VIPR2: variants seen among roughly 807,000 people sequenced by gnomAD.
The protein encoded by VIPR2 is vasoactive intestinal polypeptide receptor 2.
VIPR2 carries 48 observed loss-of-function variants against 58.0 expected under a neutral mutation model. The ratio of observed to expected loss-of-function variants is 0.83; its 90% CI spans 0.66 to 1.05. The LOEUF is 1.05. Ranked by LOEUF, VIPR2 falls within the 50% of genes least tolerant of loss-of-function variation. VIPR2 has a pLI of 0.00. For synonymous variants in VIPR2, 243 were observed against 235.2 expected (o/e 1.03, Z -0.30); for missense variants, 534 against 558.0 (o/e 0.96, Z 0.43).
At chr7:159,060,279 C>T (rs2129494074) in intron 4 of VIPR2, among the ~76,000 whole-genome samples, 1 of 151,248 alleles carries the variant, frequency 6.6e-6, no homozygotes, top group Admixed American at 6.6e-5. Flanking sequence ...TTCACCCAAC[C>T]ACCACCCTCA....
intron 2 of VIPR2, among the ~76,000 whole-genome samples, chr7:159,138,614 C>T (rs1443033647): frequency 6.6e-6 from 1 of 152,204 alleles, no homozygotes; most frequent in Non-Finnish European, 1.5e-5. Context: ...TTGCCAAATA[C>T]ATTGTTACAC....
intron 5 of VIPR2, among the ~76,000 whole-genome samples, chr7:159,054,865 G>T (rs1393801615): frequency 6.6e-6 from 1 of 152,114 alleles, no homozygotes; most frequent in African/African-American, 2.4e-5. Flanking sequence ...TCCCATCAGG[G>T]TATTAGCATA....
chr7:159,099,768 T>TC lies in VIPR2; in HGVS notation c.357+3988dup, dbSNP rs1022725444. Among the ~76,000 whole-genome samples the TC allele has an allele frequency of 2.0e-5, 3 of 151,266 alleles. No individual in the cohort carries two copies. The highest frequency in any genetic ancestry group is 7.3e-5 in the African/African-American group (3 of 41,130). ...CGGGGATCCCACCTGGACCTTGAAA[T>TC]CCCCCCCAGGCCACAGAAGCCCCTG... On this transcript the variant is annotated intron_variant, in intron 4 of 12. Transcript: ENST00000262178. The surrounding 1 kb of genome is among the most constrained non-coding windows in gnomAD (Gnocchi z 4.2).
At position 159,105,823 on chromosome 7, in the gene VIPR2, T is replaced by A. The variant is rs992985697; in HGVS notation, c.260-1969A>T. ...AAGGAGACAGGTCCACAAAGATAAA[T>A]AATGTGCCCATCACAGACTCAGGAA... On this transcript the variant is annotated intron_variant, in intron 3 of 12. Coordinates refer to ENST00000262178, the MANE Select transcript of VIPR2 (RefSeq NM_003382.5). Among the ~76,000 whole-genome samples the A allele has an allele frequency of 1.1e-4, 17 of 152,276 alleles. 1 individual carries two copies. In the East Asian group the frequency reaches 3.3e-3, roughly 29 times the overall value.
rs3812309 is a variant in VIPR2, at chr7:159,128,555, C to T, written c.151+13891G>A. On this transcript the variant is annotated intron_variant, in intron 2 of 12. Transcript: ENST00000262178. The surrounding 1 kb of genome is among the most constrained non-coding windows in gnomAD (Gnocchi z 4.1). ...GTCCCTACCAGAGGCACTTTCCTCG[C>T]CTCTGACCCTGCCTTCTTTGCTCTC... Among the ~76,000 whole-genome samples the T allele has an allele frequency of 8.7e-4, 132 of 152,304 alleles. 3 individuals are homozygous for T. The East Asian group carries it at 0.02, about 23-fold the overall frequency.
At chr7:159,044,895 A>T (rs1423426036) in intron 5 of VIPR2, among the ~76,000 whole-genome samples, 1 of 152,074 alleles carries the variant, frequency 6.6e-6, no homozygotes, top group African/African-American at 2.4e-5. Flanking sequence ...CCTTCTGAAT[A>T]GCTGGGATTA....
chr7:159,108,813 C>T (rs1795877230), intron 3 of VIPR2, among the ~76,000 whole-genome samples: 1 of 152,216 alleles, frequency 6.6e-6, no homozygotes, highest in Non-Finnish European at 1.5e-5. Flanking sequence ...GCCCAAGCTG[C>T]TCAGTAGAAA....
At chr7:159,071,123 T>G (rs1191771703) in intron 4 of VIPR2, among the ~76,000 whole-genome samples, 1 of 152,238 alleles carries the variant, frequency 6.6e-6, no homozygotes, top group African/African-American at 2.4e-5. Flanking sequence ...TTTTTCTGGG[T>G]TGCACAGACA....
intron 5 of VIPR2, among the ~76,000 whole-genome samples, chr7:159,052,031 T>TAACC (rs1198975297): frequency 6.6e-6 from 1 of 152,184 alleles, no homozygotes; most frequent in Non-Finnish European, 1.5e-5. Flanking sequence ...ATGTAGCACA[T>TAACC]AACCAAGAAC....
intron 4 of VIPR2, among the ~76,000 whole-genome samples, chr7:159,100,283 T>C (rs1585491749): frequency 1.3e-5 from 2 of 152,200 alleles, no homozygotes; most frequent in East Asian, 3.9e-4. Context: ...TCTCCATCCA[T>C]GCAGTGAGTT....
chr7:159,142,862 G>C (rs1326133337), intron 1 of VIPR2, among the ~76,000 whole-genome samples: 1 of 152,142 alleles, frequency 6.6e-6, no homozygotes, highest in Non-Finnish European at 1.5e-5. Context: ...CTCCATACCC[G>C]GCTCCTCCGT....
intron 4 of VIPR2, among the ~76,000 whole-genome samples, chr7:159,064,242 C>T (rs1033152281): frequency 4.6e-5 from 7 of 152,036 alleles, no homozygotes; most frequent in Non-Finnish European, 8.8e-5. Flanking sequence ...CCGCATTTCA[C>T]GGGAGCCCCG....
intron 2 of VIPR2, among the ~76,000 whole-genome samples, chr7:159,121,509 T>C (rs1796456296): frequency 6.6e-6 from 1 of 152,214 alleles, no homozygotes; most frequent in South Asian, 2.1e-4. Context: ...CATGCTTAGG[T>C]ACCCGTGCGT....
chr7:159,103,454 G>A (rs1271900906), intron 4 of VIPR2, among the ~76,000 whole-genome samples: 2 of 152,148 alleles, frequency 1.3e-5, no homozygotes, highest in Non-Finnish European at 2.9e-5. Context: ...CATCTGAAAA[G>A]TAACTTTCGG....
intron 8 of VIPR2, among the ~76,000 whole-genome samples, chr7:159,034,974 C>A (rs930228693): frequency 6.6e-6 from 1 of 152,160 alleles, no homozygotes; most frequent in Non-Finnish European, 1.5e-5. Context: ...GAGAAAAGAA[C>A]CTTCCTCCTG....
At position 159,109,874 on chromosome 7, in the gene VIPR2, T is replaced by A. The variant is rs764586726; in HGVS notation, c.197A>T (p.Asn66Ile). The change falls in exon 3 of 13, where the codon AAT (asparagine) becomes ATT (isoleucine). Residue 66 changes from asparagine (N) to isoleucine (I), a missense_variant. Physicochemically the swap from Asn to Ile is moderately radical, Grantham distance 149. Transcript: ENST00000262178. Reference protein sequence around the residue: ...WDNITCWRPANVGETVTVPCP... With the variant: ...WDNITCWRPAIVGETVTVPCP... ...GGGCACCGTGACGGTCTCTCCCACA[T>A]TGGCAGGCCGCCAGCACGTGATGTT... 1.2e-5 allele frequency: 19 copies of A among 1,614,002 alleles called. No individual in the cohort carries two copies. Among genetic ancestry groups the A allele is most frequent in the Non-Finnish European group, 1.5e-5 (18 of 1,180,048 alleles).
chr7:159,049,382 A>C (rs1436352199), intron 5 of VIPR2, among the ~76,000 whole-genome samples: 1 of 152,270 alleles, frequency 6.6e-6, no homozygotes, highest in East Asian at 1.9e-4. Flanking sequence ...TGGGGACCAA[A>C]GGGCTGGACT....
At chr7:159,070,604 G>A (rs950436714) in intron 4 of VIPR2, among the ~76,000 whole-genome samples, 2 of 152,116 alleles carry the variant, frequency 1.3e-5, no homozygotes, top group Non-Finnish European at 2.9e-5. Flanking sequence ...CTGACAGAAG[G>A]GCCCCACAAG....
chr7:159,036,230 A>G (rs1363130721), intron 7 of VIPR2, among the ~76,000 whole-genome samples: 1 of 152,238 alleles, frequency 6.6e-6, no homozygotes, highest in Non-Finnish European at 1.5e-5. Flanking sequence ...AGAATCTGAG[A>G]CTTGCCATTC....
Sources: allele counts gnomAD v4.1 joint callset (sites outside exome capture counted in the v4.1 genomes callset), GRCh38; gene constraint gnomAD v4.1.1; non-coding constraint Gnocchi (gnomAD v3.1); transcripts MANE v1.5; gene names NCBI Gene and HGNC (gene_info 2026-07-23, HGNC 2026-07-21).